Variants in PLPP2 observed in about 807,000 individuals in gnomAD.
The protein encoded by PLPP2 is phospholipid phosphatase 2, also known as PAP2-gamma.
Under a neutral mutation model 35.2 loss-of-function variants are expected in PLPP2, and 29 were observed. The observed-to-expected ratio is 0.82, with a 90% CI of 0.61 to 1.12. The LOEUF (loss-of-function observed/expected upper bound fraction) is 1.12. PLPP2 is among the 50% of genes most tolerant of loss of function. The pLI is 0.00. For synonymous variants in PLPP2, 162 were observed against 167.0 expected, an observed-to-expected ratio of 0.97 and a Z score of 0.23; for missense variants, 353 against 375.2, an observed-to-expected ratio of 0.94 and a Z score of 0.49.
At chr19:289,457 T>C (rs111918060) in intron 1 of PLPP2, among the ~76,000 whole-genome samples, 3,271 of 152,012 alleles carry the variant, frequency 0.022, 112 homozygotes, top group African/African-American at 0.073. Context: ...AGGCCCGGCG[T>C]GGTGGCTCAG....
intron 3 of PLPP2, chr19:286,592 T>C (rs993216497): frequency 6.6e-6 from 1 of 151,974 alleles, no homozygotes; most frequent in Admixed American, 6.6e-5. Flanking sequence ...AACACTCCAA[T>C]TAAAAGTCAA....
In PLPP2 at chr19:281,499, T is replaced by TG; in HGVS notation, c.755dup (p.Gln253ThrfsTer25). The stretch of plus-strand genomic sequence containing the variant: ...GCTCCTCCTCCTTCAGACAGTGCTG[T>TG]GGGGGTCGGGCTTTGAAGAAGTCTG... On this transcript the variant is annotated frameshift_variant, in exon 6 of 6. Transcript: ENST00000434325. LOFTEE classifies it high-confidence loss of function. The TG allele has an allele frequency of 6.5e-7, 1 of 1,538,424 alleles. No homozygotes were observed. Among genetic ancestry groups the TG allele is most frequent in the South Asian group, 1.3e-5 (1 of 79,022 alleles).
chr19:289,499 A>C (rs1396593345), intron 1 of PLPP2, among the ~76,000 whole-genome samples: 1 of 150,768 alleles, frequency 6.6e-6, no homozygotes, highest in Non-Finnish European at 1.5e-5. Context: ...GCAGATCACG[A>C]GGTCAGGAGA....
intron 3 of PLPP2, chr19:283,137 G>A (rs961577909): frequency 3.6e-6 from 1 of 276,772 alleles, no homozygotes; most frequent in African/African-American, 2.2e-5. Context: ...TCTCCCATCT[G>A]CGGAACTGAG....
rs1970286613 is a variant in PLPP2 at position 287,377 on chromosome 19, G to A, written c.482+97C>T. 11 of 1,481,136 alleles carry A rather than the reference G, an allele frequency of 7.4e-6. No individual in the cohort carries two copies. Among genetic ancestry groups the A allele is most frequent in the South Asian group, 4.0e-5 (3 of 75,282 alleles). 91.7% of individuals were successfully genotyped at this position (1,481,136 alleles called of 1,614,324 possible). A position where few individuals can be genotyped will look rare whatever the true frequency, so the allele number is the denominator to read the frequency against. ...TAGCCGGGCGTGGTGGCGCACGCCT[G>A]TAGTCTCAGCTGCCTGCTGGCTCTT... On this transcript the variant is annotated intron_variant, in intron 3 of 5. Coordinates refer to ENST00000434325, the MANE Select transcript of PLPP2 (RefSeq NM_003712.4). The surrounding 1 kb of genome is among the most constrained non-coding windows in gnomAD (Gnocchi z 4.3).
chr19:282,652 A>G, intron 4 of PLPP2, 100 bp downstream of exon 4: 1 of 1,289,764 alleles, frequency 7.8e-7, no homozygotes, highest in Non-Finnish European at 1.1e-6. Flanking sequence ...CCTCACCACC[A>G]CTACCCACCC....
rs1182545568 is a variant in PLPP2, at chr19:287,813, C to T, written c.205-62G>A. On this transcript the variant is annotated intron_variant, in intron 2 of 5. Coordinates refer to ENST00000434325, the MANE Select transcript of PLPP2 (RefSeq NM_003712.4). The surrounding 1 kb of genome is among the most constrained non-coding windows in gnomAD (Gnocchi z 4.3). Reference sequence around the variant, plus strand: ...GTCGGCCCAGGGGCCCTCACTCCTCCGCACGGGCCTCCCCAAGGCTGCTGG... The same window carrying T: ...GTCGGCCCAGGGGCCCTCACTCCTCTGCACGGGCCTCCCCAAGGCTGCTGG... 25 of 1,587,526 alleles carry T rather than the reference C, an allele frequency of 1.6e-5. No individual in the cohort carries two copies. The highest frequency in any genetic ancestry group is 8.0e-5 in the South Asian group (7 of 87,334).
At chr19:282,104 C>T (rs1377088928) in intron 5 of PLPP2, 30 bp downstream of exon 5, 3 of 1,610,932 alleles carry the variant, frequency 1.9e-6, no homozygotes, top group East Asian at 4.5e-5. Context: ...CTGGACAACA[C>T]AGGGGATAGA....
In PLPP2 at chr19:282,294, C is replaced by A; in HGVS notation, c.557G>T (p.Arg186Leu). Residue 186 changes from arginine (R) to leucine (L), a missense_variant, in exon 5 of 6, where the codon CGA becomes CTA. Physicochemically the swap from Arg to Leu is moderately radical, Grantham distance 102. Coordinates refer to ENST00000434325, the MANE Select transcript of PLPP2 (RefSeq NM_003712.4). Reference sequence around the variant, plus strand: ...CAGCCGTGCCCACTTCCAACAGAGTCGTGCCTGCACATACAGCTGGAGTGG... The same window carrying A: ...CAGCCGTGCCCACTTCCAACAGAGTAGTGCCTGCACATACAGCTGGAGTGG... ...MVFLALYVQA[R>L]LCWKWARLLR... 2.5e-6 allele frequency: 4 copies of A among 1,613,702 alleles called. No homozygotes were observed. The highest frequency in any genetic ancestry group is 3.4e-6 in the Non-Finnish European group (4 of 1,179,834).
chr19:282,917 G>T, intron 3 of PLPP2, 108 bp from the exon 4 acceptor site: 1 of 946,366 alleles, frequency 1.1e-6, no homozygotes, highest in Non-Finnish European at 1.7e-6. Context: ...GCTGCTGTTA[G>T]ATGCACTCAA....
chr19:282,223 C>T lies in PLPP2; in HGVS notation c.628G>A (p.Val210Met), dbSNP rs747867895. The T allele has an allele frequency of 2.5e-6, 4 of 1,613,726 alleles. No homozygotes were observed. Among genetic ancestry groups the T allele is most frequent in the Admixed American group, 1.7e-5 (1 of 59,984 alleles). ...TAATCAGACACGCGGGTGTAGCCCA[C>T]GTAGAGGGCAAAGGCCACCAGGAAG... ...QFFLVAFALY[V>M]GYTRVSDYKH... The change falls in exon 5 of 6, where the codon GTG becomes ATG. Residue 210 changes from valine (V) to methionine (M), a missense_variant. Physicochemically the swap from Val to Met is conservative, Grantham distance 21. Transcript: ENST00000434325.
chr19:283,942 A>C (rs1273591715), intron 3 of PLPP2: 2 of 152,250 alleles, frequency 1.3e-5, no homozygotes, highest in Non-Finnish European at 2.9e-5. Flanking sequence ...CTTTACAACC[A>C]GAAAAGTCAT....
At position 282,154 on chromosome 19, in the gene PLPP2, C is replaced by A. The variant is rs775935853; in HGVS notation, c.697G>T (p.Ala233Ser). 4 of 1,613,412 alleles carry A rather than the reference C, an allele frequency of 2.5e-6. No homozygotes were observed. The highest frequency in any genetic ancestry group is 3.4e-6 in the Non-Finnish European group (4 of 1,179,786). ...SDVLVGLLQG[A>S]LVAALTVCYI... is the part of the protein sequence containing the mutation. ...CTCACAGTGAGGGCAGCCACCAGTGCCCCCTGCAGGAGGCCAACAAGGACA... is the reference window on the plus strand; with the variant it reads ...CTCACAGTGAGGGCAGCCACCAGTGACCCCTGCAGGAGGCCAACAAGGACA... Residue 233 changes from alanine to serine, a missense_variant, in exon 5 of 6, where the codon GCA (alanine) becomes TCA (serine). By Grantham distance (99) the Ala-to-Ser change is moderately conservative (BLOSUM62 1). Coordinates refer to ENST00000434325, the MANE Select transcript of PLPP2 (RefSeq NM_003712.4).
Position 287,579 on chromosome 19 carries a change from T to C in PLPP2, c.377A>G (p.Asn126Ser), listed in dbSNP as rs1970292892. Residue 126 changes from asparagine (N) to serine (S), a missense_variant, in exon 3 of 6, where the codon AAC becomes AGC. Transcript: ENST00000434325. The surrounding 1 kb of genome is among the most constrained non-coding windows in gnomAD (Gnocchi z 4.3). ...GTCGGGGTCGCAGACGGCTAGGAAG[T>C]TGGGCCTCAGACGCCCAATCATGTA... ...AKYMIGRLRPNFLAVCDPDWS... is the reference protein window; with the variant it reads ...AKYMIGRLRPSFLAVCDPDWS... 1 of 1,613,732 alleles carries C rather than the reference T, an allele frequency of 6.2e-7. No individual in the cohort carries two copies.
In PLPP2 at chr19:288,100, AG is replaced by A. The variant is rs1970307021; in HGVS notation, c.123del (p.Ser42ProfsTer67). On this transcript the variant is annotated frameshift_variant, in exon 2 of 6. Transcript: ENST00000434325. LOFTEE classifies it high-confidence loss of function. ...PYKRGFYCGD[D>X]SIRYPYRPDT... Reference sequence around the variant, plus strand: ...TCTGGACGGTAGGGGTACCGGATGGAGTCATCCCCGCAGTAAAATCCTCGCT... The same window carrying A: ...TCTGGACGGTAGGGGTACCGGATGGATCATCCCCGCAGTAAAATCCTCGCT... 2 of 1,613,286 alleles carry A rather than the reference AG, an allele frequency of 1.2e-6. No homozygotes were observed. The highest frequency in any genetic ancestry group is 1.7e-6 in the Non-Finnish European group (2 of 1,179,684).
In PLPP2 at chr19:282,749, C is replaced by T; in HGVS notation, c.540+3G>A. On this transcript the variant is annotated splice_donor_region_variant and intron_variant, in intron 4 of 5. Transcript: ENST00000434325. The stretch of plus-strand genomic sequence containing the variant: ...AAAGCAAGCCCGGGAGAAACAGACT[C>T]ACCGCCAAGAACACCATGCAGTACA... The T allele has an allele frequency of 6.2e-7, 1 of 1,612,690 alleles. No individual in the cohort carries two copies. The highest frequency in any genetic ancestry group is 8.5e-7 in the Non-Finnish European group (1 of 1,178,870).
intron 5 of PLPP2, 72 bp from the exon 6 acceptor site, chr19:281,609 G>C (rs1024676455): frequency 7.5e-7 from 1 of 1,339,930 alleles, no homozygotes; most frequent in Non-Finnish European, 9.8e-7. Flanking sequence ...ATGAGCAGGA[G>C]GGGGAGGAAC....
Position 287,287 on chromosome 19 carries a change from G to T in PLPP2, c.482+187C>A. On this transcript the variant is annotated intron_variant, in intron 3 of 5. Transcript: ENST00000434325. The surrounding 1 kb of genome is among the most constrained non-coding windows in gnomAD (Gnocchi z 4.3). ...CCCCAAAATACTTAAAGCAAAAACTGACAGAATGTTACAACATGGATGAAC... is the reference window on the plus strand; with the variant it reads ...CCCCAAAATACTTAAAGCAAAAACTTACAGAATGTTACAACATGGATGAAC... 1.4e-6 allele frequency: 1 copy of T among 697,654 alleles called. No individual in the cohort carries two copies. The highest frequency in any genetic ancestry group is 2.3e-6 in the Non-Finnish European group (1 of 431,870). The allele number at this position is 697,654 out of a possible 1,614,324, so 43.2% of individuals were successfully genotyped here. A position where few individuals can be genotyped will look rare whatever the true frequency, so the allele number is the denominator to read the frequency against.
Position 282,795 on chromosome 19 carries a change from G to C in PLPP2, c.497C>G (p.Ser166Trp), listed in dbSNP as rs201440917. The C allele has an allele frequency of 1.2e-6, 2 of 1,613,692 alleles. No individual in the cohort carries two copies. Among genetic ancestry groups the C allele is most frequent in the Non-Finnish European group, 1.7e-6 (2 of 1,179,850 alleles). The stretch of plus-strand genomic sequence containing the variant: ...GTACATCCCAAAGGAAGAGTGTCCC[G>C]AGTAGAAAGACAACCTGAGGAAGGA... The part of the protein sequence containing the change: ...DVTEARLSFY[S>W]GHSSFGMYCM... The change falls in exon 4 of 6, where the codon TCG (serine) becomes TGG (tryptophan). Residue 166 changes from serine (S) to tryptophan (W), a missense_variant. Ser to Trp is a radical substitution (Grantham distance 177). Transcript: ENST00000434325.
Sources: gnomAD v4.1 joint callset for allele counts (sites outside exome capture counted in the v4.1 genomes callset) on GRCh38, gnomAD v4.1.1 for gene constraint, Gnocchi (gnomAD v3.1) non-coding constraint, MANE v1.5 for transcripts, NCBI Gene and HGNC (gene_info 2026-07-23, HGNC 2026-07-21) for gene names.